Variants in TMEM217B observed in about 807,000 individuals in gnomAD.
The protein encoded by TMEM217B is putative transmembrane protein 217B.
chr6:37,218,110 C>T, the TMEM217B span: 1 of 1,040,442 alleles, frequency 9.6e-7, no homozygotes, highest in Non-Finnish European at 1.2e-6. Context: ...AGAGACCTAC[C>T]TCTTATGGGA....
the TMEM217B span, among the ~76,000 whole-genome samples, chr6:37,235,397 G>A: frequency 2.6e-5 from 4 of 151,864 alleles, no homozygotes; most frequent in African/African-American, 9.7e-5. Context: ...ACAGAGTCTT[G>A]CTCTGTCGCC....
chr6:37,226,586 T>C, the TMEM217B span, among the ~76,000 whole-genome samples: 5 of 151,114 alleles, frequency 3.3e-5, no homozygotes, highest in South Asian at 8.4e-4. Flanking sequence ...CGTGAGCCAC[T>C]GCGCCCGGCC....
chr6:37,218,560 C>T, the TMEM217B span: 303 of 1,614,094 alleles, frequency 1.9e-4, 1 homozygote, highest in African/African-American at 3.3e-3. Context: ...TGCCCTGGCT[C>T]CGGTTTTTGT....
the TMEM217B span, among the ~76,000 whole-genome samples, chr6:37,231,402 C>T: frequency 2.0e-5 from 3 of 149,864 alleles, no homozygotes; most frequent in Non-Finnish European, 3.0e-5. Flanking sequence ...AGGCTGGGCG[C>T]GGTGGCTCAT....
the TMEM217B span, among the ~76,000 whole-genome samples, chr6:37,237,465 T>C: frequency 6.6e-6 from 1 of 152,186 alleles, no homozygotes; most frequent in African/African-American, 2.4e-5. Context: ...GGCAAGTCGT[T>C]TGCAAGAAAT....
chr6:37,240,296 T>G, the TMEM217B span, among the ~76,000 whole-genome samples: 10 of 152,316 alleles, frequency 6.6e-5, no homozygotes, highest in African/African-American at 2.2e-4. Context: ...GCTGTTGGCC[T>G]GGGCTGGGGG....
chr6:37,251,868 C>T, the TMEM217B span, among the ~76,000 whole-genome samples: 6 of 152,118 alleles, frequency 3.9e-5, no homozygotes, highest in African/African-American at 1.4e-4. Flanking sequence ...TTTTATATGA[C>T]CTAGGAGATA....
chr6:37,255,140 A>G, the TMEM217B span, among the ~76,000 whole-genome samples: 1 of 152,188 alleles, frequency 6.6e-6, no homozygotes, highest in Non-Finnish European at 1.5e-5. Context: ...GGAGATGGAC[A>G]ACAAACAAGT....
chr6:37,212,589 G>T, the TMEM217B span: 1 of 475,024 alleles, frequency 2.1e-6, no homozygotes, highest in Non-Finnish European at 4.2e-6. Flanking sequence ...GCATGTGTGA[G>T]ATTTGGAAGA....
the TMEM217B span, among the ~76,000 whole-genome samples, chr6:37,244,381 G>A: frequency 6.6e-6 from 1 of 152,322 alleles, no homozygotes; most frequent in Admixed American, 6.5e-5. Context: ...TTTCACATGA[G>A]GGAGAAAAAC....
the TMEM217B span, chr6:37,218,972 A>G: frequency 6.2e-7 from 1 of 1,613,928 alleles, no homozygotes; most frequent in South Asian, 1.1e-5. Flanking sequence ...GATGGTGAAG[A>G]CCCCTGACAA....
At chr6:37,245,379 T>C in the TMEM217B span, among the ~76,000 whole-genome samples, 1 of 152,256 alleles carries the variant, frequency 6.6e-6, no homozygotes, top group Non-Finnish European at 1.5e-5. Context: ...TGGGGGTTGC[T>C]GCCATGCTGG....
chr6:37,249,801 G>A, the TMEM217B span, among the ~76,000 whole-genome samples: 1 of 152,216 alleles, frequency 6.6e-6, no homozygotes, highest in Non-Finnish European at 1.5e-5. Context: ...CATGTGGTTG[G>A]AAGTGTAAAG....
At chr6:37,216,552 G>T in the TMEM217B span, among the ~76,000 whole-genome samples, 1 of 152,168 alleles carries the variant, frequency 6.6e-6, no homozygotes, top group Non-Finnish European at 1.5e-5. Context: ...GGAAGAAGGA[G>T]TCTGGGATGA....
the TMEM217B span, among the ~76,000 whole-genome samples, chr6:37,221,572 T>C: frequency 6.6e-6 from 1 of 152,192 alleles, no homozygotes; most frequent in South Asian, 2.1e-4. Context: ...ATAGAATGTG[T>C]CAGAATTTTC....
the TMEM217B span, among the ~76,000 whole-genome samples, chr6:37,243,429 G>A: frequency 6.6e-6 from 1 of 152,190 alleles, no homozygotes; most frequent in Admixed American, 6.5e-5. Context: ...TCTTCCCAGT[G>A]TAATTGCCCA....
the TMEM217B span, chr6:37,212,341 G>A: frequency 2.8e-6 from 1 of 358,420 alleles, no homozygotes; most frequent in Non-Finnish European, 5.5e-6. Flanking sequence ...ATCAACAGAA[G>A]ACAGGCAGGG....
chr6:37,239,804 G>A, the TMEM217B span, among the ~76,000 whole-genome samples: 3 of 151,482 alleles, frequency 2.0e-5, no homozygotes, highest in Admixed American at 6.6e-5. Flanking sequence ...CATCTATATC[G>A]GTTAAGATCC....
the TMEM217B span, among the ~76,000 whole-genome samples, chr6:37,231,350 G>A: frequency 2.7e-5 from 4 of 149,222 alleles, no homozygotes; most frequent in South Asian, 4.3e-4. Context: ...GATTACAGGC[G>A]TGAGTGATCA....
Sources: gnomAD v4.1 joint callset for allele counts (sites outside exome capture counted in the v4.1 genomes callset) on GRCh38, gnomAD v4.1.1 for gene constraint, MANE v1.5 for transcripts, NCBI Gene and HGNC (gene_info 2026-07-23, HGNC 2026-07-21) for gene names.